The following UBE2F variants were observed in gnomAD, a reference collection of about 807,000 sequenced individuals.
The protein encoded by UBE2F is ubiquitin conjugating enzyme E2 F (putative).
UBE2F carries 5 observed loss-of-function variants against 29.6 expected under a neutral mutation model. That is an observed-to-expected ratio of 0.17 (90% CI 0.09 to 0.36). The LOEUF is 0.36. UBE2F is among the 10% of genes least tolerant of loss of function. The pLI, the probability that UBE2F is intolerant of heterozygous loss-of-function variation, is 1.00. For missense variants in UBE2F, 141 were observed against 228.5 expected (o/e 0.62, Z 2.47); for synonymous variants, 66 against 81.8 (o/e 0.81, Z 1.04).
intron 2 of UBE2F, among the ~76,000 whole-genome samples, chr2:237,981,952 A>C (rs974079567): frequency 3.9e-5 from 6 of 152,234 alleles, no homozygotes; most frequent in Admixed American, 3.3e-4. Context: ...CCTAAGTTCT[A>C]CCTGAAACTC....
intron 2 of UBE2F, among the ~76,000 whole-genome samples, chr2:237,979,473 G>T (rs750455368): frequency 5.3e-5 from 8 of 152,236 alleles, no homozygotes; most frequent in Admixed American, 1.3e-4. Context: ...TGTCTCCAGC[G>T]TGTCCTGGCG....
At chr2:237,999,848 G>A (rs1246001922) in intron 4 of UBE2F, among the ~76,000 whole-genome samples, 10 of 137,560 alleles carry the variant, frequency 7.3e-5, no homozygotes, top group South Asian at 2.2e-4. Context: ...TTTTTGAGAC[G>A]GAGTCTCACT....
intron 4 of UBE2F, among the ~76,000 whole-genome samples, chr2:238,004,553 T>C (rs149746559): frequency 2.0e-5 from 3 of 152,320 alleles, no homozygotes; most frequent in Admixed American, 2.0e-4. Flanking sequence ...TTTAAATTCA[T>C]TTGGGGATAT....
At chr2:238,009,385 G>A (rs746341986) in intron 4 of UBE2F, among the ~76,000 whole-genome samples, 12 of 152,064 alleles carry the variant, frequency 7.9e-5, no homozygotes, top group Admixed American at 1.3e-4. Flanking sequence ...TTACTTCTAC[G>A]TGTAAATTAT....
intron 2 of UBE2F, chr2:237,973,678 A>G (rs1394467676): frequency 1.5e-6 from 2 of 1,302,946 alleles, no homozygotes; most frequent in Non-Finnish European, 2.0e-6. Context: ...CTTGTGAAAA[A>G]TTAGTTCTCT....
intron 4 of UBE2F, among the ~76,000 whole-genome samples, chr2:238,001,838 A>G (rs1007028188): frequency 5.9e-5 from 9 of 152,146 alleles, no homozygotes; most frequent in Non-Finnish European, 1.2e-4. Flanking sequence ...ACAAAAAACA[A>G]AACAAAACAA....
chr2:237,988,422 T>C (rs944426130), intron 3 of UBE2F, among the ~76,000 whole-genome samples: 4 of 147,226 alleles, frequency 2.7e-5, no homozygotes, highest in Non-Finnish European at 4.5e-5. Context: ...CACTCCAACC[T>C]GGGCAACAGA....
intron 2 of UBE2F, chr2:237,986,123 A>G: frequency 2.9e-6 from 1 of 349,714 alleles, no homozygotes; most frequent in South Asian, 2.2e-5. Context: ...CTCCCAATTC[A>G]TAGACTACCT....
In UBE2F at chr2:238,033,251, C is replaced by T. The variant is rs145380942; in HGVS notation, c.444+997C>T. 1.5e-3 allele frequency among the ~76,000 whole-genome samples: 233 copies of T among 152,256 alleles called. 1 individual carries two copies. Among genetic ancestry groups the T allele is most frequent in the African/African-American group, 5.2e-3 (218 of 41,544 alleles). ...GGAAATAGCATTTCTCAGACAATGG[C>T]CCTAGGGCAGGAAGAGGCTAAATGG... On this transcript the variant is annotated intron_variant, in intron 8 of 9. Coordinates refer to ENST00000272930, the MANE Select transcript of UBE2F (RefSeq NM_080678.3).
At position 237,972,161 on chromosome 2, in the gene UBE2F, A is replaced by G. The variant is rs562345830; in HGVS notation, c.-16-931A>G. ...ATGTTGAAATTGCCAAAAAATATAA[A>G]TAAAACACAAATGTAAGTAAATGCA... is the stretch of plus-strand genomic sequence containing the variant. On this transcript the variant is annotated intron_variant, in intron 1 of 9. Coordinates refer to ENST00000272930, the MANE Select transcript of UBE2F (RefSeq NM_080678.3). 2.7e-4 allele frequency among the ~76,000 whole-genome samples: 41 copies of G among 152,376 alleles called. No individual in the cohort carries two copies. In the South Asian group the frequency reaches 8.3e-3, roughly 31 times the overall value.
At chr2:237,996,841 C>G (rs998161390) in intron 4 of UBE2F, among the ~76,000 whole-genome samples, 1 of 152,136 alleles carries the variant, frequency 6.6e-6, no homozygotes. Flanking sequence ...GTATATATGA[C>G]AGCATCTTTG....
chr2:237,977,103 C>T (rs1034356178), intron 2 of UBE2F, among the ~76,000 whole-genome samples: 1 of 152,178 alleles, frequency 6.6e-6, no homozygotes, highest in Admixed American at 6.5e-5. Context: ...TGACAGAGCC[C>T]ACTAAGACCT....
chr2:237,998,121 T>A (rs1187592711), intron 4 of UBE2F, among the ~76,000 whole-genome samples: 2 of 152,216 alleles, frequency 1.3e-5, no homozygotes, highest in Non-Finnish European at 2.9e-5. Context: ...GACAATTTTT[T>A]AAATTTAAAT....
At chr2:238,017,200 C>T (rs929683443) in intron 5 of UBE2F, among the ~76,000 whole-genome samples, 1 of 152,128 alleles carries the variant, frequency 6.6e-6, no homozygotes, top group African/African-American at 2.4e-5. Context: ...AAGTAGAGGA[C>T]AGTAGTGATA....
chr2:238,023,002 G>A (rs2064331859), intron 5 of UBE2F, among the ~76,000 whole-genome samples: 1 of 152,246 alleles, frequency 6.6e-6, no homozygotes, highest in South Asian at 2.1e-4. Flanking sequence ...GAAGGGGACA[G>A]GAGGAAGGGC....
intron 9 of UBE2F, among the ~76,000 whole-genome samples, chr2:238,036,144 G>A (rs940064960): frequency 1.3e-5 from 2 of 151,990 alleles, no homozygotes; most frequent in Non-Finnish European, 2.9e-5. Context: ...GGAGAGAATT[G>A]GTGTGTGTTT....
chr2:238,015,560 G>T (rs771539641), intron 4 of UBE2F, among the ~76,000 whole-genome samples: 4 of 151,892 alleles, frequency 2.6e-5, no homozygotes, highest in Non-Finnish European at 5.9e-5. Flanking sequence ...TGACATAAAT[G>T]TTGATACGGT....
chr2:238,031,665 A>G (rs1436775502), intron 7 of UBE2F, among the ~76,000 whole-genome samples: 1 of 152,262 alleles, frequency 6.6e-6, no homozygotes, highest in African/African-American at 2.4e-5. Flanking sequence ...GCAGGTCAGT[A>G]CAGATAGAAC....
At chr2:237,969,523 G>T (rs2063129091) in intron 1 of UBE2F, among the ~76,000 whole-genome samples, 1 of 152,176 alleles carries the variant, frequency 6.6e-6, no homozygotes, top group African/African-American at 2.4e-5. Context: ...GCATTCCCAA[G>T]GTCAGCCAGA....
Sources: gnomAD v4.1 joint callset for allele counts (sites outside exome capture counted in the v4.1 genomes callset) on GRCh38, gnomAD v4.1.1 for gene constraint, MANE v1.5 for transcripts, NCBI Gene and HGNC (gene_info 2026-07-23, HGNC 2026-07-21) for gene names.